The following ENPP1 variants were observed in gnomAD, a reference collection of about 807,000 sequenced individuals.
ENPP1 encodes the protein ectonucleotide pyrophosphatase/phosphodiesterase family member 1.
A neutral mutation model predicts 122.8 loss-of-function variants in ENPP1; 73 were observed. The ratio of observed to expected loss-of-function variants is 0.59; its 90% CI spans 0.49 to 0.72. The LOEUF (loss-of-function observed/expected upper bound fraction) is 0.72, where lower values mean the gene tolerates loss of function less well. Ranked by LOEUF, ENPP1 falls within the 30% of genes least tolerant of loss-of-function variation. ENPP1 has a pLI of 0.00. For synonymous variants in ENPP1, 367 were observed against 391.6 expected, an observed-to-expected ratio of 0.94 and a Z score of 0.74; for missense variants, 978 against 1,128.1, an observed-to-expected ratio of 0.87 and a Z score of 1.91.
At chr6:131,844,921 T>TC (rs1781787262) in intron 1 of ENPP1, among the ~76,000 whole-genome samples, 1 of 152,020 alleles carries the variant, frequency 6.6e-6, no homozygotes, top group Non-Finnish European at 1.5e-5. Flanking sequence ...ATGACAATTC[T>TC]CCAAGGCACA....
At chr6:131,859,610 G>A (rs566968216) in intron 7 of ENPP1, among the ~76,000 whole-genome samples, 3 of 20,836 alleles carry the variant, frequency 1.4e-4, no homozygotes, top group Non-Finnish European at 2.9e-4. Context: ...AGGGGCGGAT[G>A]GGGGGAATGT....
intron 1 of ENPP1, among the ~76,000 whole-genome samples, chr6:131,818,440 A>G (rs1393833794): frequency 1.3e-5 from 2 of 151,978 alleles, no homozygotes; most frequent in Non-Finnish European, 2.9e-5. Context: ...AGGTCAGGAG[A>G]TCGAGACCAT....
rs947584717 is a variant in ENPP1 at position 131,891,497 on chromosome 6, G to A, written c.*986G>A. On this transcript the variant is annotated 3_prime_UTR_variant, in exon 25 of 25. Transcript: ENST00000647893. Reference sequence around the variant, plus strand: ...CCAATCACCTCACATCTTCTTGGTGGACATGATAAATGACACAATGAACTT... The same window carrying A: ...CCAATCACCTCACATCTTCTTGGTGAACATGATAAATGACACAATGAACTT... 1.3e-5 allele frequency: 2 copies of A among 152,100 alleles called. No individual in the cohort carries two copies. The highest frequency in any genetic ancestry group is 2.4e-5 in the African/African-American group (1 of 41,400). 9.4% of individuals were successfully genotyped at this position (152,100 alleles called of 1,614,324 possible).
chr6:131,831,002 A>G (rs1372433396), intron 1 of ENPP1, among the ~76,000 whole-genome samples: 1 of 150,634 alleles, frequency 6.6e-6, no homozygotes, highest in Non-Finnish European at 1.5e-5. Flanking sequence ...AGTCCCAGCT[A>G]CTCGAGAGGC....
chr6:131,818,248 A>G (rs1781441138), intron 1 of ENPP1, among the ~76,000 whole-genome samples: 1 of 152,126 alleles, frequency 6.6e-6, no homozygotes. Context: ...ACGTCATTGC[A>G]ATGACACCAA....
At chr6:131,845,939 A>G (rs550811352) in intron 1 of ENPP1, among the ~76,000 whole-genome samples, 58 of 152,272 alleles carry the variant, frequency 3.8e-4, no homozygotes, top group African/African-American at 1.4e-3. Context: ...AGAAAAACAC[A>G]TGTTTTTGCA....
intron 11 of ENPP1, 133 bp downstream of exon 11, chr6:131,865,071 A>G: frequency 1.4e-6 from 1 of 699,310 alleles, no homozygotes. Context: ...ACACAATATT[A>G]CTAAATATAA....
At chr6:131,812,588 C>A (rs1781367849) in intron 1 of ENPP1, among the ~76,000 whole-genome samples, 1 of 152,144 alleles carries the variant, frequency 6.6e-6, no homozygotes, top group Non-Finnish European at 1.5e-5. Context: ...AATGGAAAAA[C>A]CAAACTCTGT....
intron 12 of ENPP1, 104 bp from the exon 13 acceptor site, chr6:131,869,254 C>G (rs1160911253): frequency 9.5e-7 from 1 of 1,053,154 alleles, no homozygotes; most frequent in Non-Finnish European, 1.5e-6. Context: ...AGTGCTACAC[C>G]CATGTTTAAC....
At chr6:131,819,566 A>C (rs1374220766) in intron 1 of ENPP1, among the ~76,000 whole-genome samples, 1 of 152,216 alleles carries the variant, frequency 6.6e-6, no homozygotes, top group Non-Finnish European at 1.5e-5. Flanking sequence ...TACTTTAATA[A>C]ACTATACAAA....
chr6:131,885,204 C>G, intron 23 of ENPP1, 141 bp downstream of exon 23: 1 of 740,936 alleles, frequency 1.3e-6, no homozygotes, highest in South Asian at 1.7e-5. Flanking sequence ...CACAGGAAGC[C>G]TCTTGAAATA....
chr6:131,865,008 G>C (rs747681737), intron 11 of ENPP1, 70 bp downstream of exon 11: 1 of 909,982 alleles, frequency 1.1e-6, no homozygotes, highest in Admixed American at 1.7e-5. Context: ...TTTGAAGGAG[G>C]CTGCTAGACC....
At chr6:131,872,392 G>A (rs1364161631) in intron 14 of ENPP1, among the ~76,000 whole-genome samples, 2 of 152,252 alleles carry the variant, frequency 1.3e-5, no homozygotes, top group East Asian at 3.9e-4. Context: ...GAAAAACCCT[G>A]TAGCTGTACC....
chr6:131,827,845 GA>G lies in ENPP1; in HGVS notation c.240+19573del, dbSNP rs1283308036. The G allele has an allele frequency of 2.9e-6, 4 of 1,387,744 alleles. No homozygotes were observed. The Admixed American group carries it at 5.1e-5, about 18-fold the overall frequency. The allele number at this position is 1,387,744 out of a possible 1,614,324, so 86.0% of individuals were successfully genotyped here. A position where few individuals can be genotyped will look rare whatever the true frequency, so the allele number is the denominator to read the frequency against. On this transcript the variant is annotated intron_variant, in intron 1 of 24. Coordinates refer to ENST00000647893, the MANE Select transcript of ENPP1 (RefSeq NM_006208.3). ...TATGTCAGTTGAACACCCTGAGGAC[GA>G]AAGCAAAATCTTGGACTCGGAGAGT...
intron 18 of ENPP1, chr6:131,877,989 G>A (rs990409312): frequency 4.5e-5 from 7 of 154,132 alleles, no homozygotes; most frequent in African/African-American, 1.7e-4. Context: ...ATATAGATGA[G>A]AATTATAAAG....
intron 24 of ENPP1, 71 bp from the exon 25 acceptor site, chr6:131,890,270 G>C: frequency 8.3e-7 from 1 of 1,210,010 alleles, no homozygotes; most frequent in Non-Finnish European, 1.2e-6. Context: ...AAACTGGGGA[G>C]ATGGAGCACT....
intron 1 of ENPP1, among the ~76,000 whole-genome samples, chr6:131,839,247 A>G (rs997095021): frequency 6.6e-6 from 1 of 151,948 alleles, no homozygotes; most frequent in African/African-American, 2.4e-5. Context: ...TTTGAATCCC[A>G]TTGAATATAC....
chr6:131,886,806 C>A, intron 24 of ENPP1, 82 bp downstream of exon 24: 1 of 1,212,924 alleles, frequency 8.2e-7, no homozygotes, highest in Non-Finnish European at 1.2e-6. Context: ...TCTGACATTA[C>A]AGTGAGAGAA....
At chr6:131,816,563 T>G (rs1781417351) in intron 1 of ENPP1, among the ~76,000 whole-genome samples, 1 of 152,210 alleles carries the variant, frequency 6.6e-6, no homozygotes, top group Admixed American at 6.5e-5. Flanking sequence ...AGGAACACAT[T>G]TAAGGTTTTT....
Sources: gnomAD v4.1 joint callset for allele counts (sites outside exome capture counted in the v4.1 genomes callset) on GRCh38, gnomAD v4.1.1 for gene constraint, MANE v1.5 for transcripts, NCBI Gene and HGNC (gene_info 2026-07-23, HGNC 2026-07-21) for gene names.